Variants in PXDNL observed in about 807,000 individuals in gnomAD.
The protein encoded by PXDNL is probable oxidoreductase PXDNL.
Under a neutral mutation model 150.8 loss-of-function variants are expected in PXDNL, and 145 were observed. The observed-to-expected ratio is 0.96, with a 90% CI of 0.84 to 1.10. The LOEUF (loss-of-function observed/expected upper bound fraction) is 1.10. Ranked by LOEUF, PXDNL falls within the 50% of genes least tolerant of loss-of-function variation. The pLI is 0.00. For missense variants in PXDNL, 2,087 were observed against 1,873.9 expected (o/e 1.11, Z -2.10); for synonymous variants, 757 against 725.7 (o/e 1.04, Z -0.69).
At chr8:51,483,014 G>C (rs546473876) in intron 6 of PXDNL, among the ~76,000 whole-genome samples, 1 of 152,250 alleles carries the variant, frequency 6.6e-6, no homozygotes, top group South Asian at 2.1e-4. Context: ...GTTTGGGGTT[G>C]AGGATTAGTG....
At chr8:51,509,773 C>A (rs1008594630) in intron 4 of PXDNL, among the ~76,000 whole-genome samples, 6 of 142,804 alleles carry the variant, frequency 4.2e-5, no homozygotes, top group South Asian at 2.3e-4. Flanking sequence ...CACACACACA[C>A]AAATATATAC....
At position 51,423,666 on chromosome 8, in the gene PXDNL, GTAGA is replaced by G. The variant is rs1450702118; in HGVS notation, c.1700_1703del (p.Ile567ThrfsTer23). The G allele has an allele frequency of 6.2e-7, 1 of 1,613,712 alleles. No homozygotes were observed. The highest frequency in any genetic ancestry group is 8.5e-7 in the Non-Finnish European group (1 of 1,179,792). ...TTCCCTGGTCAGGGAACCCTGCGTCGTAGATAGTCAGCGTGCCTTCATCATCCAC... is the reference window on the plus strand; with the variant it reads ...TTCCCTGGTCAGGGAACCCTGCGTCGTAGTCAGCGTGCCTTCATCATCCAC... On this transcript the variant is annotated frameshift_variant, in exon 14 of 23. Coordinates refer to ENST00000356297, the MANE Select transcript of PXDNL (RefSeq NM_144651.5). LOFTEE classifies it high-confidence loss of function.
intron 2 of PXDNL, among the ~76,000 whole-genome samples, chr8:51,614,970 TATTA>T (rs1420605024): frequency 4.6e-5 from 7 of 152,248 alleles, no homozygotes; most frequent in African/African-American, 1.2e-4. Context: ...ATATTTTGGT[TATTA>T]ATTATGTGCT....
At chr8:51,743,812 G>A (rs1053901938) in intron 1 of PXDNL, among the ~76,000 whole-genome samples, 3 of 151,676 alleles carry the variant, frequency 2.0e-5, no homozygotes, top group South Asian at 2.1e-4. Flanking sequence ...CACAGTGCCC[G>A]GCCCCTACTT....
At chr8:51,592,603 T>C in intron 3 of PXDNL, 24 bp downstream of exon 3, 1 of 1,426,856 alleles carries the variant, frequency 7.0e-7, no homozygotes, top group South Asian at 1.3e-5. Flanking sequence ...CCATAAGGCA[T>C]TGTTGTTTTT....
chr8:51,538,633 G>C (rs1018996058), intron 4 of PXDNL, among the ~76,000 whole-genome samples: 12 of 152,062 alleles, frequency 7.9e-5, no homozygotes, highest in African/African-American at 2.9e-4. Context: ...CGAGTCTGGT[G>C]GTGGGCGTCT....
At chr8:51,626,338 A>G (rs1014471337) in intron 2 of PXDNL, among the ~76,000 whole-genome samples, 4 of 152,202 alleles carry the variant, frequency 2.6e-5, no homozygotes, top group African/African-American at 9.7e-5. Flanking sequence ...CAGTTTGGTT[A>G]TGAAAAGAAA....
chr8:51,388,207 T>C (rs1011293774), intron 17 of PXDNL, among the ~76,000 whole-genome samples: 5 of 152,204 alleles, frequency 3.3e-5, no homozygotes, highest in Non-Finnish European at 5.9e-5. Context: ...ATATTGGCTT[T>C]CTTATTATTC....
At chr8:51,414,487 G>T (rs953356152) in intron 14 of PXDNL, among the ~76,000 whole-genome samples, 1 of 151,440 alleles carries the variant, frequency 6.6e-6, no homozygotes, top group Admixed American at 6.6e-5. Context: ...ACTAGATTAT[G>T]TGCAGCAATT....
intron 18 of PXDNL, among the ~76,000 whole-genome samples, 179 bp from the exon 19 acceptor site, chr8:51,372,260 A>T (rs1807145664): frequency 6.6e-6 from 1 of 152,240 alleles, no homozygotes; most frequent in South Asian, 2.1e-4. Context: ...CAACATTCTT[A>T]AATCACATTC....
intron 1 of PXDNL, among the ~76,000 whole-genome samples, chr8:51,698,022 G>A (rs547144063): frequency 3.9e-4 from 60 of 152,310 alleles, no homozygotes; most frequent in African/African-American, 1.3e-3. Context: ...CTGCTAAAAC[G>A]TGCTAATGAC....
rs143877987 is a variant in PXDNL, at chr8:51,358,617, G to A, written c.3902-12670C>T. 7.3e-4 allele frequency among the ~76,000 whole-genome samples: 111 copies of A among 152,280 alleles called. 1 individual carries two copies. In the East Asian group the frequency reaches 0.02, roughly 27 times the overall value. On this transcript the variant is annotated intron_variant, in intron 19 of 22. Transcript: ENST00000356297. Reference sequence around the variant, plus strand: ...CAGCATGTACCTCAACCAAAGACAAGAGGAATGGTCTCGCCTGGCCCCAGC... The same window carrying A: ...CAGCATGTACCTCAACCAAAGACAAAAGGAATGGTCTCGCCTGGCCCCAGC...
intron 12 of PXDNL, among the ~76,000 whole-genome samples, chr8:51,434,479 T>G (rs769339984): frequency 1.3e-5 from 2 of 152,232 alleles, no homozygotes; most frequent in Admixed American, 6.5e-5. Context: ...ATGAGGAGCA[T>G]CTTTTCCAAG....
intron 12 of PXDNL, among the ~76,000 whole-genome samples, chr8:51,430,372 G>A (rs76595383): frequency 0.016 from 2,370 of 152,184 alleles, 50 homozygotes; most frequent in East Asian, 0.081. Context: ...ATCCCAAGCG[G>A]CTAACTGGGC....
At chr8:51,682,396 A>G (rs1031084743) in intron 1 of PXDNL, among the ~76,000 whole-genome samples, 1 of 152,182 alleles carries the variant, frequency 6.6e-6, no homozygotes, top group Non-Finnish European at 1.5e-5. Flanking sequence ...CTTTTGCCTC[A>G]TCTCCTCCTG....
At chr8:51,489,231 T>C (rs1035010120) in intron 5 of PXDNL, among the ~76,000 whole-genome samples, 11 of 152,238 alleles carry the variant, frequency 7.2e-5, no homozygotes, top group African/African-American at 2.4e-4. Context: ...TTCAAAATTG[T>C]GGATGGATTT....
intron 1 of PXDNL, among the ~76,000 whole-genome samples, chr8:51,748,219 T>C (rs2037007404): frequency 6.6e-6 from 1 of 152,254 alleles, no homozygotes; most frequent in Non-Finnish European, 1.5e-5. Flanking sequence ...ATGGTCAGTT[T>C]GCATCAGTAA....
At chr8:51,610,399 C>A (rs987464446) in intron 2 of PXDNL, among the ~76,000 whole-genome samples, 3 of 152,114 alleles carry the variant, frequency 2.0e-5, no homozygotes, top group Non-Finnish European at 4.4e-5. Flanking sequence ...AAAAACTATA[C>A]ATTTGCTATT....
intron 20 of PXDNL, among the ~76,000 whole-genome samples, chr8:51,343,010 G>A (rs949305243): frequency 2.0e-5 from 3 of 151,970 alleles, no homozygotes; most frequent in African/African-American, 4.8e-5. Context: ...ATAGAAGAGA[G>A]GCAACGAGCC....
Sources: allele counts gnomAD v4.1 joint callset (sites outside exome capture counted in the v4.1 genomes callset), GRCh38; gene constraint gnomAD v4.1.1; transcripts MANE v1.5; gene names NCBI Gene and HGNC (gene_info 2026-07-23, HGNC 2026-07-21).